Variants in GMDS observed in about 807,000 individuals in gnomAD.
GMDS encodes the protein GDP-mannose 4,6 dehydratase.
Under a neutral mutation model 49.9 loss-of-function variants are expected in GMDS, and 20 were observed. The ratio of observed to expected loss-of-function variants is 0.40; its 90% CI spans 0.28 to 0.58. The LOEUF (loss-of-function observed/expected upper bound fraction) is 0.58, where lower values mean the gene tolerates loss of function less well. Among genes scored for constraint, GMDS ranks in the 20% least tolerant of loss-of-function variants. The probability of loss-of-function intolerance (pLI) is 0.42; values close to 1 mark genes in which losing one functional copy is unlikely to be tolerated. For missense variants in GMDS, 362 were observed against 481.4 expected, an observed-to-expected ratio of 0.75 and a Z score of 2.32; for synonymous variants, 177 against 178.6, an observed-to-expected ratio of 0.99 and a Z score of 0.07.
intron 4 of GMDS, among the ~76,000 whole-genome samples, chr6:2,052,034 T>C (rs1426973203): frequency 6.7e-6 from 1 of 150,120 alleles, no homozygotes; most frequent in East Asian, 2.0e-4. Flanking sequence ...GGAGAATCGC[T>C]TGAACCTGGG....
chr6:1,744,907 G>A lies in GMDS; in HGVS notation c.772-2321C>T, dbSNP rs79428763. On this transcript the variant is annotated intron_variant, in intron 7 of 10. Transcript: ENST00000380815. ...CGGGATCGGGCCTGCCCTTTGGCCC[G>A]CTTCCCAACTAAGCTGAGCCTCCCA... 1.6e-3 allele frequency among the ~76,000 whole-genome samples: 247 copies of A among 152,348 alleles called. 3 individuals are homozygous for A. In the East Asian group the frequency reaches 0.029, roughly 18 times the overall value.
intron 4 of GMDS, among the ~76,000 whole-genome samples, chr6:2,086,574 G>A (rs1773028671): frequency 6.6e-6 from 1 of 152,216 alleles, no homozygotes. Flanking sequence ...CGGGGACTTC[G>A]AAACAACTTC....
intron 1 of GMDS, among the ~76,000 whole-genome samples, chr6:2,144,706 T>C (rs1334109420): frequency 6.6e-6 from 1 of 152,162 alleles, no homozygotes; most frequent in African/African-American, 2.4e-5. Flanking sequence ...CCAACCACAA[T>C]GGTTTCTAAG....
intron 4 of GMDS, among the ~76,000 whole-genome samples, chr6:2,108,405 T>C (rs1338548263): frequency 6.6e-6 from 1 of 152,218 alleles, no homozygotes; most frequent in East Asian, 1.9e-4. Context: ...TGTACTACCC[T>C]AACCAAAAAG....
intron 7 of GMDS, among the ~76,000 whole-genome samples, chr6:1,893,739 G>C (rs116021704): frequency 6.6e-6 from 1 of 152,214 alleles, no homozygotes; most frequent in East Asian, 1.9e-4. Flanking sequence ...CACTGGACTC[G>C]TGTGAAGGGC....
chr6:1,801,870 G>A (rs1769964596), intron 7 of GMDS, among the ~76,000 whole-genome samples: 1 of 152,192 alleles, frequency 6.6e-6, no homozygotes, highest in Non-Finnish European at 1.5e-5. Flanking sequence ...GTAATTTTTA[G>A]CTTGTTGAAT....
At chr6:2,237,127 C>T (rs1204533953) in intron 1 of GMDS, among the ~76,000 whole-genome samples, 1 of 152,196 alleles carries the variant, frequency 6.6e-6, no homozygotes, top group Non-Finnish European at 1.5e-5. Context: ...AATCATCTAA[C>T]CTCAAGTCTA....
chr6:2,192,319 A>G (rs1779062784), intron 1 of GMDS, among the ~76,000 whole-genome samples: 1 of 152,060 alleles, frequency 6.6e-6, no homozygotes, highest in South Asian at 2.1e-4. Flanking sequence ...GAGCTGTTCT[A>G]TTACTCAATA....
At chr6:2,198,071 G>C (rs556687735) in intron 1 of GMDS, among the ~76,000 whole-genome samples, 7 of 152,194 alleles carry the variant, frequency 4.6e-5, no homozygotes, top group Non-Finnish European at 1.0e-4. Context: ...TCGTGCCACA[G>C]GCTTACTGTG....
chr6:1,913,390 A>G (rs75589133), intron 7 of GMDS, among the ~76,000 whole-genome samples: 1 of 818 alleles, frequency 1.2e-3, no homozygotes, highest in Non-Finnish European at 2.9e-3. Context: ...CAAACAAACA[A>G]AAAAAAAAAA....
chr6:2,108,226 T>C (rs948937699), intron 4 of GMDS, among the ~76,000 whole-genome samples: 1 of 152,180 alleles, frequency 6.6e-6, no homozygotes, highest in Non-Finnish European at 1.5e-5. Flanking sequence ...GACTTGACAA[T>C]TTCATTTAAA....
chr6:2,136,906 CAAAA>C (rs3049649), intron 1 of GMDS, among the ~76,000 whole-genome samples: 17 of 127,946 alleles, frequency 1.3e-4, no homozygotes, highest in Admixed American at 2.4e-4. Flanking sequence ...TCATTTCAAA[CAAAA>C]AAAAAAAAAA....
intron 7 of GMDS, among the ~76,000 whole-genome samples, chr6:1,781,764 T>C (rs1039241851): frequency 6.6e-6 from 1 of 152,212 alleles, no homozygotes; most frequent in Non-Finnish European, 1.5e-5. Context: ...GTCACCATAT[T>C]CCAATATTCT....
intron 9 of GMDS, among the ~76,000 whole-genome samples, chr6:1,634,163 T>C (rs918365830): frequency 6.6e-6 from 1 of 152,212 alleles, no homozygotes; most frequent in Non-Finnish European, 1.5e-5. Flanking sequence ...ACTCAGGTGC[T>C]GGCCACTGCA....
intron 9 of GMDS, among the ~76,000 whole-genome samples, chr6:1,668,184 T>C (rs766564479): frequency 1.3e-5 from 2 of 152,250 alleles, no homozygotes; most frequent in Admixed American, 1.3e-4. Context: ...CTTTTTTCTT[T>C]TTTTGCTTTG....
intron 4 of GMDS, among the ~76,000 whole-genome samples, chr6:2,016,028 A>C (rs1475452718): frequency 7.4e-6 from 1 of 135,788 alleles, no homozygotes; most frequent in Non-Finnish European, 1.6e-5. Context: ...GCTTGAGCCC[A>C]GGAAATAGAG....
At chr6:2,018,407 T>C (rs1409915420) in intron 4 of GMDS, among the ~76,000 whole-genome samples, 1 of 152,206 alleles carries the variant, frequency 6.6e-6, no homozygotes, top group African/African-American at 2.4e-5. Context: ...CACTGATGGT[T>C]GTTGAGCAAC....
At chr6:2,139,620 T>A (rs1367370543) in intron 1 of GMDS, among the ~76,000 whole-genome samples, 1 of 152,130 alleles carries the variant, frequency 6.6e-6, no homozygotes, top group Non-Finnish European at 1.5e-5. Flanking sequence ...TATCCCCACA[T>A]TACAGACAAT....
intron 4 of GMDS, among the ~76,000 whole-genome samples, chr6:2,065,159 G>C (rs1258784694): frequency 1.3e-5 from 2 of 152,258 alleles, no homozygotes; most frequent in African/African-American, 2.4e-5. Context: ...CCCAGCAGGG[G>C]CAGACTGACA....
Sources: allele counts gnomAD v4.1 joint callset (sites outside exome capture counted in the v4.1 genomes callset), GRCh38; gene constraint gnomAD v4.1.1; transcripts MANE v1.5; gene names NCBI Gene and HGNC (gene_info 2026-07-23, HGNC 2026-07-21).